Variants in VAV2 observed in about 807,000 individuals in gnomAD.
The protein encoded by VAV2 is guanine nucleotide exchange factor VAV2.
Under a neutral mutation model 132.5 loss-of-function variants are expected in VAV2, and 67 were observed. The ratio of observed to expected loss-of-function variants is 0.51; its 90% CI spans 0.42 to 0.62. VAV2 has a LOEUF of 0.62. VAV2 is among the 20% of genes least tolerant of loss of function. The pLI is 0.00. For missense variants in VAV2, 938 were observed against 1,153.6 expected, an observed-to-expected ratio of 0.81 and a Z score of 2.71; for synonymous variants, 492 against 443.5, an observed-to-expected ratio of 1.11 and a Z score of -1.37.
chr9:133,775,086 A>C lies in VAV2; in HGVS notation c.2019-35T>G, dbSNP rs1223681228. On this transcript the variant is annotated intron_variant, in intron 24 of 29. Transcript: ENST00000371850. ...GGGGCCGGGAGGAAACGAGAGCCGCAGTGAGGACAGTGTCTGAGGGGTGCC... is the reference window on the plus strand; with the variant it reads ...GGGGCCGGGAGGAAACGAGAGCCGCCGTGAGGACAGTGTCTGAGGGGTGCC... The C allele has an allele frequency of 4.5e-6, 7 of 1,551,532 alleles. No individual in the cohort carries two copies. In the East Asian group the frequency reaches 7.2e-5, roughly 16 times the overall value.
At chr9:133,964,076 T>C (rs1290122893) in intron 1 of VAV2, among the ~76,000 whole-genome samples, 2 of 139,804 alleles carry the variant, frequency 1.4e-5, no homozygotes, top group Non-Finnish European at 3.1e-5. Context: ...TATAAATGAA[T>C]AGGCCAGGTA....
chr9:133,963,580 G>A (rs1188994811), intron 1 of VAV2, among the ~76,000 whole-genome samples: 3 of 152,148 alleles, frequency 2.0e-5, no homozygotes, highest in Non-Finnish European at 2.9e-5. Flanking sequence ...CAGGGCTGTG[G>A]GCATCCAATC....
At chr9:133,795,601 A>G in intron 12 of VAV2, 67 bp downstream of exon 12, 1 of 1,582,964 alleles carries the variant, frequency 6.3e-7, no homozygotes, top group Non-Finnish European at 8.7e-7. Context: ...AATGAGCCCA[A>G]TTCCAGTCCA....
intron 2 of VAV2, among the ~76,000 whole-genome samples, chr9:133,898,416 T>C (rs1266371196): frequency 6.7e-6 from 1 of 150,340 alleles, no homozygotes; most frequent in African/African-American, 2.5e-5. Context: ...TGGCAAAACC[T>C]TGTCTCTACT....
chr9:133,762,701 CCCCAGAGGCATACAG>C lies in VAV2; in HGVS notation c.*1346_*1360del, dbSNP rs1227589636. ...TGACTCCTCCCGCCTCTTCCCTACA[CCCCAGAGGCATACAG>C]CCCAGAGGCCACAAGGCCAACCTCA... On this transcript the variant is annotated 3_prime_UTR_variant, in exon 30 of 30. Coordinates refer to ENST00000371850, the MANE Select transcript of VAV2 (RefSeq NM_001134398.2). This position sits in a 1 kb window ranked among gnomAD's most constrained non-coding sequence, Gnocchi z 5.0. 1 of 152,534 alleles carries C rather than the reference CCCCAGAGGCATACAG, an allele frequency of 6.6e-6. No individual in the cohort carries two copies. The highest frequency in any genetic ancestry group is 2.4e-5 in the African/African-American group (1 of 41,442). 9.4% of individuals were successfully genotyped at this position (152,534 alleles called of 1,614,324 possible).
At chr9:133,865,918 C>T (rs928552578) in intron 2 of VAV2, among the ~76,000 whole-genome samples, 3 of 152,256 alleles carry the variant, frequency 2.0e-5, no homozygotes, top group Non-Finnish European at 4.4e-5. Context: ...AGGCCCCACT[C>T]CATGCCTGGT....
chr9:133,851,818 T>C (rs943822954), intron 3 of VAV2, among the ~76,000 whole-genome samples: 2 of 146,176 alleles, frequency 1.4e-5, no homozygotes, highest in Non-Finnish European at 3.0e-5. Flanking sequence ...GATGGATGGA[T>C]GGATGGATGG....
intron 1 of VAV2, among the ~76,000 whole-genome samples, chr9:133,958,460 A>C (rs578070882): frequency 6.6e-6 from 1 of 150,508 alleles, no homozygotes; most frequent in African/African-American, 2.4e-5. Context: ...TACCTTGTCT[A>C]TGATGCAAAG....
chr9:133,880,261 G>A (rs185681890), intron 2 of VAV2, among the ~76,000 whole-genome samples: 74 of 152,334 alleles, frequency 4.9e-4, no homozygotes, highest in African/African-American at 1.6e-3. Context: ...GGAAAGAGCC[G>A]GCAGGCAGCA....
chr9:133,910,344 T>C (rs1839833463), intron 2 of VAV2, among the ~76,000 whole-genome samples: 1 of 152,060 alleles, frequency 6.6e-6, no homozygotes, highest in African/African-American at 2.4e-5. Flanking sequence ...TTAGAAGCAG[T>C]CAAGCCTACT....
At position 133,812,359 on chromosome 9, in the gene VAV2, G is replaced by A. The variant is rs929806577; in HGVS notation, c.450-143C>T. ...TGCCCGGGCCTCAGTCTACAAAGTGGGGTGGGCCCCGCCTGCAGGGCGTCT... is the reference window on the plus strand; with the variant it reads ...TGCCCGGGCCTCAGTCTACAAAGTGAGGTGGGCCCCGCCTGCAGGGCGTCT... On this transcript the variant is annotated intron_variant, in intron 4 of 29. Transcript: ENST00000371850. The A allele has an allele frequency of 2.3e-5, 17 of 736,186 alleles. No homozygotes were observed. In the Admixed American group the frequency reaches 3.7e-4, roughly 16 times the overall value. 45.6% of individuals were successfully genotyped at this position (736,186 alleles called of 1,614,324 possible).
rs769335699 is a variant in VAV2, at chr9:133,774,953, C to T, written c.2117G>A (p.Arg706His). ...CACTTACTTGATGCTTATTGCAAAGCGCTCAGCCTCGGCAGGCCGCTCCCT... is the reference window on the plus strand; with the variant it reads ...CACTTACTTGATGCTTATTGCAAAGTGCTCAGCCTCGGCAGGCCGCTCCCT... ...LIRERPAEAE[R>H]FAISIKFNDE... Residue 706 changes from arginine to histidine, a missense_variant, in exon 25 of 30, where the codon CGC becomes CAC. Coordinates refer to ENST00000371850, the MANE Select transcript of VAV2 (RefSeq NM_001134398.2). 1.7e-5 allele frequency: 27 copies of T among 1,612,758 alleles called. No individual in the cohort carries two copies. Among genetic ancestry groups the T allele is most frequent in the South Asian group, 9.9e-5 (9 of 91,046 alleles).
In VAV2 at chr9:133,788,098, G is replaced by C. The variant is rs940064102; in HGVS notation, c.1407+256C>G. Among the ~76,000 whole-genome samples, 9 of 152,224 alleles carry C rather than the reference G, an allele frequency of 5.9e-5. No individual in the cohort carries two copies. Among genetic ancestry groups the C allele is most frequent in the African/African-American group, 2.2e-4 (9 of 41,464 alleles). ...TGCCTCAGTCGCCTCACTGGGGAGTGGGATTCTGGTCTTGCCCACCTTTCT... is the reference window on the plus strand; with the variant it reads ...TGCCTCAGTCGCCTCACTGGGGAGTCGGATTCTGGTCTTGCCCACCTTTCT... On this transcript the variant is annotated intron_variant, in intron 15 of 29. Coordinates refer to ENST00000371850, the MANE Select transcript of VAV2 (RefSeq NM_001134398.2). This position sits in a 1 kb window ranked among gnomAD's most constrained non-coding sequence, Gnocchi z 5.3.
intron 4 of VAV2, among the ~76,000 whole-genome samples, chr9:133,820,853 G>A (rs529421143): frequency 1.3e-5 from 2 of 152,314 alleles, no homozygotes; most frequent in African/African-American, 4.8e-5. Context: ...CAGGGCAGGA[G>A]GGTCCCATTG....
intron 9 of VAV2, among the ~76,000 whole-genome samples, chr9:133,800,433 G>A (rs1216013439): frequency 1.3e-5 from 2 of 152,314 alleles, no homozygotes; most frequent in South Asian, 2.1e-4. Context: ...GAGGGGTCCT[G>A]CCCGCATGGA....
rs1835126215 is a variant in VAV2, at chr9:133,806,056, G to A, written c.836+25C>T. 3 of 1,605,152 alleles carry A rather than the reference G, an allele frequency of 1.9e-6. No homozygotes were observed. In the South Asian group the frequency reaches 3.3e-5, roughly 18 times the overall value. ...CCCGCAGACAGGGAGGGGCCAAGGA[G>A]CCCCAGGAGCCGGCAGCCACTCACC... On this transcript the variant is annotated intron_variant, in intron 9 of 29. Transcript: ENST00000371850.
intron 21 of VAV2, among the ~76,000 whole-genome samples, chr9:133,779,194 G>A (rs1833918807): frequency 6.6e-6 from 1 of 152,268 alleles, no homozygotes; most frequent in South Asian, 2.1e-4. Context: ...GTGCGGGGCA[G>A]AAGACGGGGG....
chr9:133,963,556 G>A (rs1376903923), intron 1 of VAV2, among the ~76,000 whole-genome samples: 1 of 152,228 alleles, frequency 6.6e-6, no homozygotes, highest in African/African-American at 2.4e-5. Context: ...AACCAAGGTA[G>A]GCTTTCTACA....
At chr9:133,921,390 C>T (rs1840292158) in intron 2 of VAV2, among the ~76,000 whole-genome samples, 1 of 152,208 alleles carries the variant, frequency 6.6e-6, no homozygotes, top group Non-Finnish European at 1.5e-5. Flanking sequence ...GTCATCTCAG[C>T]ACTTCAGGAG....
Sources: gnomAD v4.1 joint callset for allele counts (sites outside exome capture counted in the v4.1 genomes callset) on GRCh38, gnomAD v4.1.1 for gene constraint, Gnocchi (gnomAD v3.1) non-coding constraint, MANE v1.5 for transcripts, NCBI Gene and HGNC (gene_info 2026-07-23, HGNC 2026-07-21) for gene names.